The following POLR2B variants were observed in gnomAD, a reference collection of about 807,000 sequenced individuals.
POLR2B encodes the protein RNA polymerase II subunit B.
POLR2B carries 57 observed loss-of-function variants against 144.6 expected under a neutral mutation model. The ratio of observed to expected loss-of-function variants is 0.39; its 90% CI spans 0.32 to 0.49. POLR2B has a LOEUF of 0.49. Among genes scored for constraint, POLR2B ranks in the 20% least tolerant of loss-of-function variants. The probability of loss-of-function intolerance (pLI) is 0.83; values close to 1 mark genes in which losing one functional copy is unlikely to be tolerated. For synonymous variants in POLR2B, 442 were observed against 469.8 expected (o/e 0.94, Z 0.77); for missense variants, 595 against 1,467.4 (o/e 0.41, Z 9.71).
At chr4:56,981,253 C>A (rs201591745) in intron 1 of POLR2B, among the ~76,000 whole-genome samples, 2 of 151,910 alleles carry the variant, frequency 1.3e-5, no homozygotes, top group African/African-American at 2.4e-5. Flanking sequence ...ATCGCGCCCC[C>A]CCTCCCGTGT....
Position 57,006,810 on chromosome 4 carries a change from C to G in POLR2B, c.1218-6C>G, listed in dbSNP as rs758813230. On this transcript the variant is annotated splice_region_variant and splice_polypyrimidine_tract_variant and intron_variant, in intron 9 of 24. Transcript: ENST00000314595. Reference sequence around the variant, plus strand: ...ATGTTTAAAATAATACCATTTTATTCGGCAGTATGTTTAAGAATTTGCTTA... The same window carrying G: ...ATGTTTAAAATAATACCATTTTATTGGGCAGTATGTTTAAGAATTTGCTTA... 1.3e-6 allele frequency: 2 copies of G among 1,592,656 alleles called. No homozygotes were observed. Among genetic ancestry groups the G allele is most frequent in the Admixed American group, 1.7e-5 (1 of 59,594 alleles).
In POLR2B at chr4:57,030,139, C is replaced by T. The variant is rs553759886; in HGVS notation, c.3240-65C>T. ...TGCAAATATTATTCTCCACCTTTGCCATTATTCAAGGCGGTGTTTATAATA... is the reference window on the plus strand; with the variant it reads ...TGCAAATATTATTCTCCACCTTTGCTATTATTCAAGGCGGTGTTTATAATA... On this transcript the variant is annotated intron_variant, in intron 23 of 24. Transcript: ENST00000314595. 1.4e-3 allele frequency: 1,735 copies of T among 1,264,050 alleles called. 4 individuals carry two copies. Among genetic ancestry groups the T allele is most frequent in the Middle Eastern group, 3.0e-3 (16 of 5,334 alleles). The allele number at this position is 1,264,050 out of a possible 1,614,324, so 78.3% of individuals were successfully genotyped here. A position where few individuals can be genotyped will look rare whatever the true frequency, so the allele number is the denominator to read the frequency against.
Position 57,023,795 on chromosome 4 carries a change from A to T in POLR2B, c.2856+44A>T. The T allele has an allele frequency of 7.5e-7, 1 of 1,337,232 alleles. No homozygotes were observed. Among genetic ancestry groups the T allele is most frequent in the Non-Finnish European group, 1.0e-6 (1 of 959,274 alleles). The allele number at this position is 1,337,232 out of a possible 1,614,324, so 82.8% of individuals were successfully genotyped here. On this transcript the variant is annotated intron_variant, in intron 20 of 24. Transcript: ENST00000314595. The surrounding 1 kb of genome is among the most constrained non-coding windows in gnomAD (Gnocchi z 4.3). The stretch of plus-strand genomic sequence containing the variant: ...CCTCATGCCCAAACCAGTTTTGTTA[A>T]ATATTTTTTTTTTAATCAAAATTTG...
At chr4:57,008,833 T>C (rs1409824539) in intron 10 of POLR2B, among the ~76,000 whole-genome samples, 1 of 152,216 alleles carries the variant, frequency 6.6e-6, no homozygotes, top group Non-Finnish European at 1.5e-5. Context: ...AGAGAACTTC[T>C]TAATATTCTG....
chr4:57,000,394 C>T (rs1722814364), intron 7 of POLR2B, among the ~76,000 whole-genome samples: 1 of 152,184 alleles, frequency 6.6e-6, no homozygotes, highest in Admixed American at 6.5e-5. Flanking sequence ...CATGCCTCCC[C>T]ACTCCAGCCT....
intron 21 of POLR2B, among the ~76,000 whole-genome samples, chr4:57,024,455 G>C (rs1419877685): frequency 1.3e-5 from 2 of 152,068 alleles, no homozygotes; most frequent in African/African-American, 4.8e-5. Context: ...TACATCTTTT[G>C]GTGGAGGTTT....
chr4:57,005,636 T>C lies in POLR2B; in HGVS notation c.1134T>C (p.Gly378=), dbSNP rs1578574880. 1 of 1,610,640 alleles carries C rather than the reference T, an allele frequency of 6.2e-7. No homozygotes were observed. Among genetic ancestry groups the C allele is most frequent in the East Asian group, 2.2e-5 (1 of 44,766 alleles). The change falls in exon 9 of 25, where the codon GGT becomes GGC. Residue 378 remains glycine (G), a synonymous_variant. Transcript: ENST00000314595. ...MVHRLLLAAL[G]RRELDDRDHY... ...ATAGGTTACTTCTGGCAGCTTTGGG[T>C]AGAAGAGAACTAGATGACAGAGATC...
Position 56,980,930 on chromosome 4 carries a change from G to A in POLR2B, c.19+1926G>A, listed in dbSNP as rs529384044. 1.7e-4 allele frequency among the ~76,000 whole-genome samples: 25 copies of A among 151,314 alleles called. No homozygotes were observed. The South Asian group carries it at 4.9e-3, about 29-fold the overall frequency. Reference sequence around the variant, plus strand: ...AGCAGTTCTCCTGCCTCAGCCTCCCGAGTAGCTGAGATTACAGGCGTACAC... The same window carrying A: ...AGCAGTTCTCCTGCCTCAGCCTCCCAAGTAGCTGAGATTACAGGCGTACAC... On this transcript the variant is annotated intron_variant, in intron 1 of 24. Coordinates refer to ENST00000314595, the MANE Select transcript of POLR2B (RefSeq NM_000938.3).
intron 3 of POLR2B, among the ~76,000 whole-genome samples, chr4:56,994,029 A>G (rs1722603147): frequency 6.6e-6 from 1 of 152,212 alleles, no homozygotes; most frequent in East Asian, 1.9e-4. Flanking sequence ...TACTTTTAGT[A>G]TATTAAGTCT....
In POLR2B at chr4:57,017,929, A is replaced by G. The variant is rs142957699; in HGVS notation, c.2323+201A>G. On this transcript the variant is annotated intron_variant, in intron 16 of 24. Transcript: ENST00000314595. The surrounding 1 kb of genome is among the most constrained non-coding windows in gnomAD (Gnocchi z 4.8). ...GAGGTACAAAGTCCTTTGGAAGCAC[A>G]GACTGATGGAAGCAATTAATTCCTG... 6.6e-6 allele frequency among the ~76,000 whole-genome samples: 1 copy of G among 152,384 alleles called. No individual in the cohort carries two copies. The highest frequency in any genetic ancestry group is 1.5e-5 in the Non-Finnish European group (1 of 68,040).
At chr4:57,018,668 A>G (rs1723441533) in intron 16 of POLR2B, among the ~76,000 whole-genome samples, 2 of 152,214 alleles carry the variant, frequency 1.3e-5, no homozygotes, top group Non-Finnish European at 2.9e-5. Context: ...GATTTGAAAG[A>G]CGGTCAAGTC....
chr4:56,999,143 GCT>G (rs1193352417), intron 6 of POLR2B, among the ~76,000 whole-genome samples: 1 of 151,728 alleles, frequency 6.6e-6, no homozygotes, highest in Non-Finnish European at 1.5e-5. Context: ...TCACAGACCA[GCT>G]CTGATTTAAT....
intron 6 of POLR2B, among the ~76,000 whole-genome samples, chr4:56,996,280 T>TATA (rs1560474623): frequency 5.9e-4 from 20 of 34,034 alleles, no homozygotes; most frequent in Admixed American, 1.4e-3. Context: ...ATATATATAT[T>TATA]TTTTTTTTTT....
At chr4:56,992,245 C>G (rs1052770112) in intron 3 of POLR2B, among the ~76,000 whole-genome samples, 1 of 151,642 alleles carries the variant, frequency 6.6e-6, no homozygotes, top group Non-Finnish European at 1.5e-5. Flanking sequence ...GGCAGATCAC[C>G]TGAGCTCAAG....
intron 23 of POLR2B, among the ~76,000 whole-genome samples, chr4:57,028,620 C>G (rs1217629554): frequency 6.6e-6 from 1 of 152,188 alleles, no homozygotes; most frequent in Non-Finnish European, 1.5e-5. Context: ...ACCCTGAGTT[C>G]TGCTAAGGTG....
chr4:57,017,003 A>G lies in POLR2B; in HGVS notation c.1956-40A>G. ...TAAGTAGGAGGAATAGTTAGTTAAA[A>G]TACTTGAGGAAGTAGAAAATTGAGT... On this transcript the variant is annotated intron_variant, in intron 14 of 24. Transcript: ENST00000314595. This position sits in a 1 kb window ranked among gnomAD's most constrained non-coding sequence, Gnocchi z 4.8. The G allele has an allele frequency of 7.9e-7, 1 of 1,269,000 alleles. No homozygotes were observed. The highest frequency in any genetic ancestry group is 1.5e-5 in the African/African-American group (1 of 67,478). The allele number at this position is 1,269,000 out of a possible 1,614,324, so 78.6% of individuals were successfully genotyped here. A position where few individuals can be genotyped will look rare whatever the true frequency, so the allele number is the denominator to read the frequency against.
intron 8 of POLR2B, 49 bp downstream of exon 8, chr4:57,005,491 A>G (rs1722987930): frequency 6.7e-7 from 1 of 1,494,992 alleles, no homozygotes; most frequent in Non-Finnish European, 9.0e-7. Context: ...TACAGTTGAG[A>G]TAAAGGTTTT....
In POLR2B at chr4:57,021,121, T is replaced by TC. The variant is rs925969243; in HGVS notation, c.2420+127dup. 110 of 660,122 alleles carry TC rather than the reference T, an allele frequency of 1.7e-4. No homozygotes were observed. The African/African-American group carries it at 1.7e-3, about 10-fold the overall frequency. The allele number at this position is 660,122 out of a possible 1,614,324, so 40.9% of individuals were successfully genotyped here. A position where few individuals can be genotyped will look rare whatever the true frequency, so the allele number is the denominator to read the frequency against. On this transcript the variant is annotated intron_variant, in intron 17 of 24. Transcript: ENST00000314595. ...AGAAAGTGGAAGGACTGGTTGATGG[T>TC]CACAAACAGCTGAAGATACTACTTG...
chr4:57,009,427 T>C (rs1478970707), intron 10 of POLR2B: 1 of 152,346 alleles, frequency 6.6e-6, no homozygotes, highest in Non-Finnish European at 1.5e-5. Context: ...AATGTTGTGC[T>C]CTTCTGTAGC....
Sources: allele counts gnomAD v4.1 joint callset (sites outside exome capture counted in the v4.1 genomes callset), GRCh38; gene constraint gnomAD v4.1.1; non-coding constraint Gnocchi (gnomAD v3.1); transcripts MANE v1.5; gene names NCBI Gene and HGNC (gene_info 2026-07-23, HGNC 2026-07-21).